The following SLC24A2 variants were observed in gnomAD, a reference collection of about 807,000 sequenced individuals.
The protein encoded by SLC24A2 is solute carrier family 24 member 2.
SLC24A2 carries 36 observed loss-of-function variants against 62.0 expected under a neutral mutation model. The observed-to-expected ratio is 0.58, with a 90% CI of 0.44 to 0.77. SLC24A2 has a LOEUF of 0.77. Among genes scored for constraint, SLC24A2 ranks in the 30% least tolerant of loss-of-function variants. SLC24A2 has a pLI of 0.00. For synonymous variants in SLC24A2, 358 were observed against 294.0 expected (o/e 1.22, Z -2.23); for missense variants, 846 against 817.9 (o/e 1.03, Z -0.42).
the SLC24A2 span, among the ~76,000 whole-genome samples, chr9:20,050,374 C>T: frequency 6.6e-6 from 1 of 151,932 alleles, no homozygotes; most frequent in African/African-American, 2.4e-5. Context: ...CTAGATCGCA[C>T]CACTGCACTC....
At chr9:20,116,305 G>T in the SLC24A2 span, among the ~76,000 whole-genome samples, 1 of 151,980 alleles carries the variant, frequency 6.6e-6, no homozygotes, top group African/African-American at 2.4e-5. Context: ...AGGTCCTTAT[G>T]GATCTTCCTC....
chr9:20,163,117 G>T, the SLC24A2 span, among the ~76,000 whole-genome samples: 3 of 152,122 alleles, frequency 2.0e-5, no homozygotes, highest in Admixed American at 6.6e-5. Context: ...CATAGTGTTG[G>T]AAGTTCTGGC....
chr9:20,031,115 C>T, the SLC24A2 span, among the ~76,000 whole-genome samples: 3 of 151,580 alleles, frequency 2.0e-5, no homozygotes, highest in Non-Finnish European at 4.4e-5. Flanking sequence ...TATACACACA[C>T]ATATATATTC....
At chr9:20,234,391 C>T in the SLC24A2 span, among the ~76,000 whole-genome samples, 8 of 152,244 alleles carry the variant, frequency 5.3e-5, no homozygotes, top group African/African-American at 1.9e-4. Context: ...GGTCTTTTCA[C>T]ATAGTCCCAT....
chr9:19,971,531 T>C, the SLC24A2 span, among the ~76,000 whole-genome samples: 1 of 152,194 alleles, frequency 6.6e-6, no homozygotes, highest in Non-Finnish European at 1.5e-5. Flanking sequence ...AAAGAGATTA[T>C]TCCTGGTACC....
At chr9:19,972,678 TTA>T in the SLC24A2 span, among the ~76,000 whole-genome samples, 1 of 152,206 alleles carries the variant, frequency 6.6e-6, no homozygotes, top group Non-Finnish European at 1.5e-5. Context: ...AGTGCATATC[TTA>T]TATGTCTACA....
the SLC24A2 span, among the ~76,000 whole-genome samples, chr9:20,209,879 T>C: frequency 6.6e-6 from 1 of 152,228 alleles, no homozygotes; most frequent in East Asian, 1.9e-4. Context: ...TTGGTTTAAG[T>C]ACGCCTGAAA....
intron 8 of SLC24A2, among the ~76,000 whole-genome samples, chr9:19,547,342 G>A (rs1403684954): frequency 6.6e-6 from 1 of 152,202 alleles, no homozygotes; most frequent in Non-Finnish European, 1.5e-5. Context: ...CTCTCAGAGG[G>A]GGACTGCACA....
At chr9:20,268,150 A>G in the SLC24A2 span, among the ~76,000 whole-genome samples, 32,384 of 152,160 alleles carry the variant, frequency 0.21, 3,915 homozygotes, top group African/African-American at 0.33. Context: ...TGTGGGAAGC[A>G]TGGCTTAGGA....
chr9:19,555,093 A>G (rs1835016833), intron 7 of SLC24A2, among the ~76,000 whole-genome samples: 1 of 152,156 alleles, frequency 6.6e-6, no homozygotes, highest in South Asian at 2.1e-4. Flanking sequence ...TTTATAGGAA[A>G]TTCTGCCCAA....
the SLC24A2 span, among the ~76,000 whole-genome samples, chr9:20,097,935 G>C: frequency 1.3e-5 from 2 of 151,450 alleles, no homozygotes; most frequent in Non-Finnish European, 2.9e-5. Flanking sequence ...GTAGAGACGG[G>C]GTTTCACCAT....
chr9:20,174,549 T>C, the SLC24A2 span, among the ~76,000 whole-genome samples: 4 of 151,102 alleles, frequency 2.6e-5, no homozygotes, highest in Non-Finnish European at 3.0e-5. Context: ...AGGACATGAA[T>C]AGACATTTCC....
At chr9:19,578,697 C>T (rs1836111010) in intron 5 of SLC24A2, among the ~76,000 whole-genome samples, 1 of 152,168 alleles carries the variant, frequency 6.6e-6, no homozygotes, top group African/African-American at 2.4e-5. Flanking sequence ...GATTGGCACC[C>T]ACTGCCCACC....
Position 19,510,806 on chromosome 9 carries a change from T to C in SLC24A2, c.*5347A>G, listed in dbSNP as rs777700450. The C allele has an allele frequency of 2.0e-5, 3 of 152,238 alleles. No homozygotes were observed. The highest frequency in any genetic ancestry group is 7.2e-5 in the African/African-American group (3 of 41,462). The allele number at this position is 152,238 out of a possible 1,614,324, so 9.4% of individuals were successfully genotyped here. On this transcript the variant is annotated 3_prime_UTR_variant, in exon 11 of 11. Coordinates refer to ENST00000341998, the MANE Select transcript of SLC24A2 (RefSeq NM_020344.4). Reference sequence around the variant, plus strand: ...CAGTCCCTCACTGTTCGTACGCTAATTTGAAAACAGTTGCCTAGCCTGTCG... The same window carrying C: ...CAGTCCCTCACTGTTCGTACGCTAACTTGAAAACAGTTGCCTAGCCTGTCG...
intron 7 of SLC24A2, among the ~76,000 whole-genome samples, chr9:19,563,664 T>G (rs1835510716): frequency 6.6e-6 from 1 of 152,128 alleles, no homozygotes; most frequent in South Asian, 2.1e-4. Context: ...TAACAAAACT[T>G]CTGATTTTTA....
the SLC24A2 span, among the ~76,000 whole-genome samples, chr9:20,022,897 A>C: frequency 1.3e-5 from 2 of 152,250 alleles, no homozygotes; most frequent in Non-Finnish European, 2.9e-5. Context: ...TATTCTATGC[A>C]TGTTCACCAC....
rs369184197 is a variant in SLC24A2, at chr9:19,718,360, G to T, written c.930+67577C>A. On this transcript the variant is annotated intron_variant, in intron 2 of 10. Transcript: ENST00000341998. ...AAGGCTGGAGTGCAGTGGTGCAATCGCAGCTCACTGCAACCTCTGCCTCCC... is the reference window on the plus strand; with the variant it reads ...AAGGCTGGAGTGCAGTGGTGCAATCTCAGCTCACTGCAACCTCTGCCTCCC... Among the ~76,000 whole-genome samples the T allele has an allele frequency of 5.7e-3, 694 of 121,870 alleles. 5 individuals are homozygous for T. The highest frequency in any genetic ancestry group is 0.021 in the African/African-American group (649 of 31,046). The allele number at this position is 121,870 out of a possible 152,430, so 80.0% of individuals were successfully genotyped here. A position where few individuals can be genotyped will look rare whatever the true frequency, so the allele number is the denominator to read the frequency against.
At chr9:20,016,780 C>A in the SLC24A2 span, among the ~76,000 whole-genome samples, 1 of 151,910 alleles carries the variant, frequency 6.6e-6, no homozygotes, top group Non-Finnish European at 1.5e-5. Flanking sequence ...GGGGAGGATA[C>A]ACTCCCAGCT....
At chr9:20,204,152 G>A in the SLC24A2 span, among the ~76,000 whole-genome samples, 1 of 152,280 alleles carries the variant, frequency 6.6e-6, no homozygotes, top group Admixed American at 6.5e-5. Context: ...AACTATAAAT[G>A]GGTAAAGTCA....
Sources: allele counts gnomAD v4.1 joint callset (sites outside exome capture counted in the v4.1 genomes callset), GRCh38; gene constraint gnomAD v4.1.1; transcripts MANE v1.5; gene names NCBI Gene and HGNC (gene_info 2026-07-23, HGNC 2026-07-21).